The following TOMM34 variants were observed in gnomAD, a reference collection of about 807,000 sequenced individuals.
TOMM34 encodes the protein mitochondrial import receptor subunit TOM34.
TOMM34 carries 24 observed loss-of-function variants against 37.4 expected under a neutral mutation model. The observed-to-expected ratio is 0.64, with a 90% CI of 0.46 to 0.90. TOMM34 has a LOEUF of 0.90. Ranked by LOEUF, TOMM34 falls within the 40% of genes least tolerant of loss-of-function variation. The probability of loss-of-function intolerance (pLI) is 0.00; values close to 1 mark genes in which losing one functional copy is unlikely to be tolerated. For missense variants in TOMM34, 304 were observed against 375.6 expected, an observed-to-expected ratio of 0.81 and a Z score of 1.58; for synonymous variants, 154 against 148.9, an observed-to-expected ratio of 1.03 and a Z score of -0.25.
rs1021158760 is a variant in TOMM34 at position 44,960,069 on chromosome 20, T to C, written c.127+138A>G. The stretch of plus-strand genomic sequence containing the variant: ...GGAAAGAAAGGGCCGAGGAAGTTTC[T>C]GGTAGGATGCCGGAGTCGGAAGGGG... On this transcript the variant is annotated intron_variant, in intron 1 of 6. Coordinates refer to ENST00000372813, the MANE Select transcript of TOMM34 (RefSeq NM_006809.5). 3.6e-6 allele frequency: 5 copies of C among 1,375,144 alleles called. No homozygotes were observed. In the African/African-American group the frequency reaches 6.6e-5, roughly 18 times the overall value. The allele number at this position is 1,375,144 out of a possible 1,614,324, so 85.2% of individuals were successfully genotyped here. A position where few individuals can be genotyped will look rare whatever the true frequency, so the allele number is the denominator to read the frequency against.
chr20:44,955,370 A>G (rs527606856), intron 2 of TOMM34, 150 bp from the exon 3 acceptor site: 2 of 971,694 alleles, frequency 2.1e-6, no homozygotes, highest in East Asian at 5.1e-5. Flanking sequence ...AAACCTCAGA[A>G]CAGGGATTTT....
Position 44,943,992 on chromosome 20 carries a change from C to T in TOMM34, c.699-413G>A, listed in dbSNP as rs774626089. 3.9e-5 allele frequency among the ~76,000 whole-genome samples: 6 copies of T among 152,110 alleles called. No homozygotes were observed. The South Asian group carries it at 1.2e-3, about 32-fold the overall frequency. ...TAAGGGGGAAAAAAAAACCCAACAA[C>T]TACTGAACTCTAATGATATAATGCT... On this transcript the variant is annotated intron_variant, in intron 5 of 6. Coordinates refer to ENST00000372813, the MANE Select transcript of TOMM34 (RefSeq NM_006809.5).
intron 3 of TOMM34, among the ~76,000 whole-genome samples, chr20:44,952,963 A>C (rs777755916): frequency 1.3e-5 from 2 of 151,920 alleles, no homozygotes; most frequent in Non-Finnish European, 2.9e-5. Context: ...TCATACCCCA[A>C]ATACAAACCT....
intron 4 of TOMM34, 120 bp from the exon 5 acceptor site, chr20:44,948,997 C>A: frequency 7.7e-7 from 1 of 1,300,524 alleles, no homozygotes; most frequent in Non-Finnish European, 1.0e-6. Flanking sequence ...GAGATTTCCT[C>A]CCCTGCTGTA....
intron 4 of TOMM34, 76 bp downstream of exon 4, chr20:44,951,757 C>A: frequency 6.6e-7 from 1 of 1,509,526 alleles, no homozygotes. Context: ...TAAACAATGC[C>A]AATTTTTGCA....
chr20:44,956,622 G>C, intron 1 of TOMM34, 137 bp from the exon 2 acceptor site: 1 of 742,274 alleles, frequency 1.3e-6, no homozygotes, highest in South Asian at 2.0e-5. Context: ...AGGCTTGTTG[G>C]TCTGCTGGGC....
At position 44,948,716 on chromosome 20, in the gene TOMM34, T is replaced by C; in HGVS notation, c.698+14A>G. ...TCCTGAAATGCCCCAGGCCAGCAGCTGTATAGGAGATACCTGTTGCTGTAC... is the reference window on the plus strand; with the variant it reads ...TCCTGAAATGCCCCAGGCCAGCAGCCGTATAGGAGATACCTGTTGCTGTAC... On this transcript the variant is annotated intron_variant, in intron 5 of 6. Coordinates refer to ENST00000372813, the MANE Select transcript of TOMM34 (RefSeq NM_006809.5). 6.2e-7 allele frequency: 1 copy of C among 1,613,532 alleles called. No homozygotes were observed. The highest frequency in any genetic ancestry group is 8.5e-7 in the Non-Finnish European group (1 of 1,179,626).
intron 3 of TOMM34, among the ~76,000 whole-genome samples, chr20:44,953,048 C>T (rs909542782): frequency 1.4e-4 from 22 of 152,288 alleles, no homozygotes; most frequent in African/African-American, 5.3e-4. Context: ...ATCCACCCAC[C>T]TAAGCTCTGG....
intron 2 of TOMM34, 135 bp downstream of exon 2, chr20:44,956,250 GA>G: frequency 1.2e-6 from 1 of 858,738 alleles, no homozygotes. Context: ...GTGACCTGGT[GA>G]AACTCAGTGA....
Position 44,955,232 on chromosome 20 carries a change from G to A in TOMM34, c.228-12C>T. The A allele has an allele frequency of 6.2e-7, 1 of 1,610,326 alleles. No homozygotes were observed. Among genetic ancestry groups the A allele is most frequent in the Non-Finnish European group, 8.5e-7 (1 of 1,178,296 alleles). On this transcript the variant is annotated splice_polypyrimidine_tract_variant and intron_variant, in intron 2 of 6. Coordinates refer to ENST00000372813, the MANE Select transcript of TOMM34 (RefSeq NM_006809.5). Reference sequence around the variant, plus strand: ...CCAAGGCCAGTGCTCTAGAATAGGAGGCAAAAATGTCAACTGGCTGGCTGC... The same window carrying A: ...CCAAGGCCAGTGCTCTAGAATAGGAAGCAAAAATGTCAACTGGCTGGCTGC...
At chr20:44,954,953 T>A in intron 3 of TOMM34, 115 bp downstream of exon 3, 9 of 1,332,878 alleles carry the variant, frequency 6.8e-6, no homozygotes, top group South Asian at 3.6e-5. Context: ...CCATCGGGAG[T>A]TTTTTAAGTG....
chr20:44,951,740 A>C (rs2067028030), intron 4 of TOMM34, 93 bp downstream of exon 4: 2 of 1,423,526 alleles, frequency 1.4e-6, no homozygotes, highest in Non-Finnish European at 1.9e-6. Flanking sequence ...TATTTTTATA[A>C]CTCAGCTAAA....
chr20:44,951,749 A>C, intron 4 of TOMM34, 84 bp downstream of exon 4: 4 of 1,497,804 alleles, frequency 2.7e-6, no homozygotes, highest in Non-Finnish European at 3.6e-6. Flanking sequence ...AACTCAGCTA[A>C]ACAATGCCAA....
At chr20:44,943,407 A>G in intron 6 of TOMM34, 46 bp downstream of exon 6, 1 of 1,612,994 alleles carries the variant, frequency 6.2e-7, no homozygotes, top group Non-Finnish European at 8.5e-7. Flanking sequence ...ACTGGCATAA[A>G]TCTCTGTAGC....
chr20:44,954,885 C>T (rs1226508084), intron 3 of TOMM34, among the ~76,000 whole-genome samples, 183 bp downstream of exon 3: 1 of 152,190 alleles, frequency 6.6e-6, no homozygotes, highest in East Asian at 1.9e-4. Context: ...GTAATTGACT[C>T]CCTGAAAACC....
chr20:44,951,107 G>T (rs999003420), intron 4 of TOMM34, among the ~76,000 whole-genome samples: 1 of 152,186 alleles, frequency 6.6e-6, no homozygotes, highest in East Asian at 1.9e-4. Context: ...GCCGGTTATG[G>T]TGTGTACTTC....
In TOMM34 at chr20:44,950,209, C is replaced by G. The variant is rs993268358; in HGVS notation, c.551-1332G>C. 2.7e-4 allele frequency among the ~76,000 whole-genome samples: 41 copies of G among 152,292 alleles called. 1 individual carries two copies. Among genetic ancestry groups the G allele is most frequent in the African/African-American group, 9.1e-4 (38 of 41,566 alleles). ...TCATCCTTATTCCTACTGTTCCCCC[C>G]ATGCACTTTCATTCTCCAACTCTCT... On this transcript the variant is annotated intron_variant, in intron 4 of 6. Coordinates refer to ENST00000372813, the MANE Select transcript of TOMM34 (RefSeq NM_006809.5).
At chr20:44,949,350 A>G (rs990591013) in intron 4 of TOMM34, among the ~76,000 whole-genome samples, 1 of 152,218 alleles carries the variant, frequency 6.6e-6, no homozygotes, top group African/African-American at 2.4e-5. Context: ...AATAAATACT[A>G]ATAAACAAAT....
At chr20:44,954,518 G>A (rs1409776441) in intron 3 of TOMM34, among the ~76,000 whole-genome samples, 2 of 152,226 alleles carry the variant, frequency 1.3e-5, no homozygotes, top group East Asian at 1.9e-4. Context: ...AGCCGCACAC[G>A]CAGAGGGGAA....
Sources: allele counts gnomAD v4.1 joint callset (sites outside exome capture counted in the v4.1 genomes callset), GRCh38; gene constraint gnomAD v4.1.1; transcripts MANE v1.5; gene names NCBI Gene and HGNC (gene_info 2026-07-23, HGNC 2026-07-21).